GNAQ: variants seen among roughly 807,000 people sequenced by gnomAD.
GNAQ encodes the protein guanine nucleotide-binding protein G(q) subunit alpha.
A neutral mutation model predicts 43.9 loss-of-function variants in GNAQ; 8 were observed. That is an observed-to-expected ratio of 0.18 (90% CI 0.11 to 0.33). The LOEUF (loss-of-function observed/expected upper bound fraction) is 0.33, where lower values mean the gene tolerates loss of function less well. Among genes scored for constraint, GNAQ ranks in the 10% least tolerant of loss-of-function variants. The pLI, the probability that GNAQ is intolerant of heterozygous loss-of-function variation, is 1.00. For synonymous variants in GNAQ, 155 were observed against 170.7 expected (o/e 0.91, Z 0.71); for missense variants, 158 against 450.8 (o/e 0.35, Z 5.88).
intron 1 of GNAQ, among the ~76,000 whole-genome samples, chr9:77,962,348 A>C (rs1823116155): frequency 6.6e-6 from 1 of 152,156 alleles, no homozygotes; most frequent in Admixed American, 6.5e-5. Context: ...AGCAGTAGAA[A>C]CATAAAGAAA....
intron 3 of GNAQ, among the ~76,000 whole-genome samples, chr9:77,798,063 T>C (rs1187917330): frequency 6.6e-6 from 1 of 152,200 alleles, no homozygotes; most frequent in Non-Finnish European, 1.5e-5. Context: ...TTTTCTTTTT[T>C]CTCTTTTTTG....
intron 1 of GNAQ, among the ~76,000 whole-genome samples, chr9:77,962,186 G>A (rs1012530813): frequency 2.0e-5 from 3 of 152,096 alleles, no homozygotes; most frequent in African/African-American, 4.8e-5. Flanking sequence ...GAACAAAATC[G>A]AGTTATCTAA....
chr9:77,921,080 T>C (rs1704250000), intron 2 of GNAQ, among the ~76,000 whole-genome samples: 1 of 152,218 alleles, frequency 6.6e-6, no homozygotes. Flanking sequence ...AATTTCTTAT[T>C]GAAGGCTCTA....
chr9:77,874,686 G>T (rs771258112), intron 2 of GNAQ, among the ~76,000 whole-genome samples: 1 of 151,836 alleles, frequency 6.6e-6, no homozygotes, highest in African/African-American at 2.4e-5. Flanking sequence ...GTGTCATAGC[G>T]CGATCATGGC....
intron 1 of GNAQ, among the ~76,000 whole-genome samples, chr9:77,970,607 C>A (rs1015029004): frequency 2.0e-5 from 3 of 152,112 alleles, no homozygotes; most frequent in African/African-American, 7.2e-5. Flanking sequence ...AAAGACACAG[C>A]GTACCAGAAT....
At chr9:78,010,588 C>T (rs954403362) in intron 1 of GNAQ, among the ~76,000 whole-genome samples, 2 of 152,056 alleles carry the variant, frequency 1.3e-5, no homozygotes, top group African/African-American at 4.8e-5. Flanking sequence ...GTGTTAATTA[C>T]AGTCATCAAG....
intron 2 of GNAQ, among the ~76,000 whole-genome samples, chr9:77,920,190 T>C (rs899696588): frequency 5.3e-5 from 8 of 152,070 alleles, no homozygotes; most frequent in Admixed American, 3.9e-4. Context: ...TAAATATTCT[T>C]CAATGTGTTA....
At chr9:77,838,951 C>T (rs1402982146) in intron 2 of GNAQ, among the ~76,000 whole-genome samples, 4 of 152,026 alleles carry the variant, frequency 2.6e-5, no homozygotes, top group Admixed American at 2.6e-4. Flanking sequence ...AAAAAAACTC[C>T]CAAAACTTTA....
chr9:77,760,262 A>G (rs1441661040), intron 5 of GNAQ, among the ~76,000 whole-genome samples: 2 of 142,196 alleles, frequency 1.4e-5, no homozygotes, highest in African/African-American at 5.1e-5. Flanking sequence ...GCCGAGCCGA[A>G]GCTGGACTGT....
chr9:77,902,279 T>C (rs1828627990), intron 2 of GNAQ, among the ~76,000 whole-genome samples: 2 of 152,236 alleles, frequency 1.3e-5, no homozygotes, highest in African/African-American at 4.8e-5. Context: ...GTTATCATAA[T>C]AATTAATTTC....
rs556901420 is a variant in GNAQ, at chr9:78,019,920, T to C, written c.136+11180A>G. Among the ~76,000 whole-genome samples, 5 of 90,042 alleles carry C rather than the reference T, an allele frequency of 5.6e-5. No homozygotes were observed. The South Asian group carries it at 1.7e-3, about 30-fold the overall frequency. 59.1% of individuals were successfully genotyped at this position (90,042 alleles called of 152,430 possible). A position where few individuals can be genotyped will look rare whatever the true frequency, so the allele number is the denominator to read the frequency against. On this transcript the variant is annotated intron_variant, in intron 1 of 6. Coordinates refer to ENST00000286548, the MANE Select transcript of GNAQ (RefSeq NM_002072.5). ...GCCTGGGTGACAGAGTGAGACTCCATCTCAAAAAAAAAAAAAAAAAAAGAA... is the reference window on the plus strand; with the variant it reads ...GCCTGGGTGACAGAGTGAGACTCCACCTCAAAAAAAAAAAAAAAAAAAGAA...
chr9:77,964,138 C>T (rs1010039325), intron 1 of GNAQ, among the ~76,000 whole-genome samples: 3 of 152,028 alleles, frequency 2.0e-5, no homozygotes, highest in Non-Finnish European at 2.9e-5. Context: ...TAATAACAGA[C>T]ACAGATTTTA....
intron 1 of GNAQ, among the ~76,000 whole-genome samples, chr9:77,988,891 A>T (rs1823475011): frequency 6.6e-6 from 1 of 152,184 alleles, no homozygotes; most frequent in Non-Finnish European, 1.5e-5. Flanking sequence ...ATTACTTCAT[A>T]AGATTTAGTA....
intron 2 of GNAQ, among the ~76,000 whole-genome samples, chr9:77,858,905 C>T (rs1827800200): frequency 6.6e-6 from 1 of 152,074 alleles, no homozygotes; most frequent in Non-Finnish European, 1.5e-5. Context: ...CACCTCACCT[C>T]AACTCACTCC....
chr9:77,978,964 G>A (rs1394093545), intron 1 of GNAQ, among the ~76,000 whole-genome samples: 4 of 152,180 alleles, frequency 2.6e-5, no homozygotes, highest in Non-Finnish European at 5.9e-5. Flanking sequence ...ACTGAGTCAC[G>A]AGAATCGCTT....
intron 2 of GNAQ, among the ~76,000 whole-genome samples, chr9:77,920,684 T>C (rs1828983636): frequency 6.6e-6 from 1 of 152,162 alleles, no homozygotes; most frequent in African/African-American, 2.4e-5. Flanking sequence ...CTCACAAACT[T>C]GCACAGTTCT....
intron 1 of GNAQ, among the ~76,000 whole-genome samples, chr9:77,990,007 A>G (rs1016812981): frequency 8.5e-5 from 13 of 152,108 alleles, no homozygotes; most frequent in African/African-American, 3.1e-4. Context: ...TCCAAAAACT[A>G]GTGTCTTCAT....
intron 2 of GNAQ, among the ~76,000 whole-genome samples, chr9:77,837,114 C>G (rs904113680): frequency 3.9e-5 from 6 of 152,050 alleles, no homozygotes; most frequent in African/African-American, 7.2e-5. Flanking sequence ...TCTACTACTT[C>G]TTAGTTCAAG....
At chr9:77,801,462 T>G (rs1454364216) in intron 3 of GNAQ, among the ~76,000 whole-genome samples, 2 of 152,202 alleles carry the variant, frequency 1.3e-5, no homozygotes, top group Non-Finnish European at 2.9e-5. Flanking sequence ...TGTCTGTTCA[T>G]TGCCCAGGTA....
Sources: allele counts gnomAD v4.1 joint callset (sites outside exome capture counted in the v4.1 genomes callset), GRCh38; gene constraint gnomAD v4.1.1; transcripts MANE v1.5; gene names NCBI Gene and HGNC (gene_info 2026-07-23, HGNC 2026-07-21).